Variants in DYNC2H1 observed in about 807,000 individuals in gnomAD.
DYNC2H1 encodes the protein cytoplasmic dynein 2 heavy chain 1.
A neutral mutation model predicts 570.0 loss-of-function variants in DYNC2H1; 410 were observed. That is an observed-to-expected ratio of 0.72 (90% CI 0.66 to 0.78). The LOEUF (loss-of-function observed/expected upper bound fraction) is 0.78, where lower values mean the gene tolerates loss of function less well. Among genes scored for constraint, DYNC2H1 ranks in the 30% least tolerant of loss-of-function variants. The probability of loss-of-function intolerance (pLI) is 0.00; values close to 1 mark genes in which losing one functional copy is unlikely to be tolerated. For synonymous variants in DYNC2H1, 1,688 were observed against 1,677.6 expected (o/e 1.01, Z -0.15); for missense variants, 4,865 against 5,046.4 (o/e 0.96, Z 1.09).
At chr11:103,178,198 A>C (rs1212293814) in intron 38 of DYNC2H1, among the ~76,000 whole-genome samples, 1 of 152,152 alleles carries the variant, frequency 6.6e-6, no homozygotes, top group Non-Finnish European at 1.5e-5. Flanking sequence ...CATTAGTTTG[A>C]ATAAAGTATT....
At chr11:103,215,666 G>GTT (rs1863349825) in intron 54 of DYNC2H1, 55 bp from the exon 55 acceptor site, 2 of 1,329,258 alleles carry the variant, frequency 1.5e-6, no homozygotes, top group Non-Finnish European at 9.6e-7. Flanking sequence ...TTTATTTACT[G>GTT]TGTGTGTAAA....
intron 77 of DYNC2H1, among the ~76,000 whole-genome samples, chr11:103,307,004 T>C (rs556881877): frequency 6.6e-6 from 1 of 152,156 alleles, no homozygotes; most frequent in Non-Finnish European, 1.5e-5. Flanking sequence ...GGGATTGTGA[T>C]AGTGAAGAGT....
chr11:103,184,854 A>G, intron 40 of DYNC2H1, 42 bp from the exon 41 acceptor site: 2 of 1,605,834 alleles, frequency 1.2e-6, no homozygotes, highest in African/African-American at 2.7e-5. Flanking sequence ...ACTGGTTAAT[A>G]GTTGCCTTTT....
At chr11:103,379,136 A>G (rs1464018396) in intron 83 of DYNC2H1, among the ~76,000 whole-genome samples, 1 of 152,150 alleles carries the variant, frequency 6.6e-6, no homozygotes, top group Non-Finnish European at 1.5e-5. Context: ...TGATGCAATC[A>G]AGACAATGTG....
intron 84 of DYNC2H1, among the ~76,000 whole-genome samples, chr11:103,414,997 G>A (rs1943228306): frequency 6.6e-6 from 1 of 152,092 alleles, no homozygotes; most frequent in Admixed American, 6.6e-5. Context: ...TTCCCATCAA[G>A]CTACCATTGA....
Position 103,215,917 on chromosome 11 carries a change from G to C in DYNC2H1, c.8832+59G>C. On this transcript the variant is annotated intron_variant, in intron 55 of 88. Coordinates refer to ENST00000375735, the MANE Select transcript of DYNC2H1 (RefSeq NM_001377.3). Reference sequence around the variant, plus strand: ...ATATGGAGAGCATTTATGCCTGATAGTCAGTGAAAAATAACATTTTCACTT... The same window carrying C: ...ATATGGAGAGCATTTATGCCTGATACTCAGTGAAAAATAACATTTTCACTT... 11 of 1,549,356 alleles carry C rather than the reference G, an allele frequency of 7.1e-6. No homozygotes were observed. In the South Asian group the frequency reaches 1.4e-4, roughly 19 times the overall value.
rs1863998154 is a variant in DYNC2H1 at position 103,231,286 on chromosome 11, A to G, written c.9380A>G (p.Lys3127Arg). 1 of 1,605,870 alleles carries G rather than the reference A, an allele frequency of 6.2e-7. No homozygotes were observed. The highest frequency in any genetic ancestry group is 1.3e-5 in the African/African-American group (1 of 74,566). The change falls in exon 60 of 89, where the codon AAA (lysine) becomes AGA (arginine). Residue 3127 changes from lysine (K) to arginine (R), a missense_variant. This residue lies in a region of DYNC2H1 where 2,401 missense variants were observed against 2,454.6 expected (regional missense o/e 0.98). Transcript: ENST00000375735. ...ESNLKKTEDR[K>R]RKLEELLNSV... is the part of the protein sequence containing the mutation. ...AATCTGAAGAAAACTGAAGACAGAA[A>G]AAGGAAACTAGAGGAGCTTCTTAAT...
intron 31 of DYNC2H1, among the ~76,000 whole-genome samples, chr11:103,168,247 C>T (rs2134956102): frequency 6.6e-6 from 1 of 152,262 alleles, no homozygotes; most frequent in South Asian, 2.1e-4. Context: ...AAAGCCTGAG[C>T]TAGAGGTGGT....
In DYNC2H1 at chr11:103,275,985, A is replaced by T. The variant is rs139671237; in HGVS notation, c.10696-4363A>T. On this transcript the variant is annotated intron_variant, in intron 70 of 88. Coordinates refer to ENST00000375735, the MANE Select transcript of DYNC2H1 (RefSeq NM_001377.3). This position sits in a 1 kb window ranked among gnomAD's most constrained non-coding sequence, Gnocchi z 4.8. ...GTACCCTTTTGCATTCCTGCCAGCA[A>T]TTAATGAGGGTTTCTGTTGCTCAAC... Among the ~76,000 whole-genome samples, 3 of 152,206 alleles carry T rather than the reference A, an allele frequency of 2.0e-5. No homozygotes were observed. Among genetic ancestry groups the T allele is most frequent in the Non-Finnish European group, 4.4e-5 (3 of 68,026 alleles).
chr11:103,414,039 G>A (rs1195825207), intron 84 of DYNC2H1, among the ~76,000 whole-genome samples: 1 of 140,256 alleles, frequency 7.1e-6, no homozygotes, highest in East Asian at 2.1e-4. Context: ...AGTAAACTGT[G>A]GTAAGTTAAA....
intron 15 of DYNC2H1, among the ~76,000 whole-genome samples, 171 bp downstream of exon 15, chr11:103,134,590 C>T (rs868722448): frequency 6.6e-6 from 1 of 151,944 alleles, no homozygotes; most frequent in Admixed American, 6.6e-5. Context: ...CACATATGAA[C>T]AATCAATTTA....
chr11:103,158,853 T>G (rs1464461811), intron 27 of DYNC2H1, 44 bp downstream of exon 27: 1 of 1,489,824 alleles, frequency 6.7e-7, no homozygotes, highest in Non-Finnish European at 9.0e-7. Flanking sequence ...TGTAAAGTAC[T>G]TGATATCTTA....
chr11:103,175,151 C>T (rs914643643), intron 36 of DYNC2H1, among the ~76,000 whole-genome samples: 2 of 152,052 alleles, frequency 1.3e-5, no homozygotes, highest in Non-Finnish European at 2.9e-5. Flanking sequence ...GGTATACGTT[C>T]ATGAAAGGCT....
At chr11:103,341,905 C>T (rs1181628445) in intron 82 of DYNC2H1, among the ~76,000 whole-genome samples, 2 of 152,138 alleles carry the variant, frequency 1.3e-5, no homozygotes, top group Non-Finnish European at 2.9e-5. Context: ...CCATTGTAGG[C>T]TATTTCCAGA....
intron 61 of DYNC2H1, among the ~76,000 whole-genome samples, chr11:103,234,693 T>C (rs1864154592): frequency 6.6e-6 from 1 of 151,926 alleles, no homozygotes; most frequent in Non-Finnish European, 1.5e-5. Flanking sequence ...GGGGGTTATC[T>C]CATCCCTTCA....
chr11:103,429,465 A>G (rs1943810743), intron 84 of DYNC2H1, among the ~76,000 whole-genome samples: 1 of 148,678 alleles, frequency 6.7e-6, no homozygotes. Flanking sequence ...ACTGATAAAA[A>G]AAAAAATTGA....
Position 103,170,282 on chromosome 11 carries a change from T to G in DYNC2H1, c.5143T>G (p.Cys1715Gly), listed in dbSNP as rs1861515705. 1 of 1,582,364 alleles carries G rather than the reference T, an allele frequency of 6.3e-7. No homozygotes were observed. Among genetic ancestry groups the G allele is most frequent in the Admixed American group, 1.9e-5 (1 of 53,738 alleles). ...TGGAAGACAAGTTTTAGTCTTTAAT[T>G]GTGATGAGGTAGAATAAATAATTAT... Reference protein sequence around the residue: ...LLGRQVLVFNCDEGIDVKSMG... With the variant: ...LLGRQVLVFNGDEGIDVKSMG... The change falls in exon 33 of 89, where the codon TGT becomes GGT. Residue 1715 changes from cysteine (C) to glycine (G), a missense_variant. Cys to Gly is a radical substitution (Grantham distance 159). Coordinates refer to ENST00000375735, the MANE Select transcript of DYNC2H1 (RefSeq NM_001377.3). This position sits in a 1 kb window ranked among gnomAD's most constrained non-coding sequence, Gnocchi z 4.8.
Position 103,324,567 on chromosome 11 carries a change from A to G in DYNC2H1, c.12039+577A>G, listed in dbSNP as rs1938371219. On this transcript the variant is annotated intron_variant, in intron 82 of 88. Transcript: ENST00000375735. This position sits in a 1 kb window ranked among gnomAD's most constrained non-coding sequence, Gnocchi z 5.2. ...GTCTTGTTCTTTTCTTATGTTGCAT[A>G]TTCCATGTTGTCTATGTATCACATT... 6.6e-6 allele frequency among the ~76,000 whole-genome samples: 1 copy of G among 152,160 alleles called. No homozygotes were observed. Among genetic ancestry groups the G allele is most frequent in the Admixed American group, 6.5e-5 (1 of 15,274 alleles).
At chr11:103,242,106 G>T in intron 63 of DYNC2H1, among the ~76,000 whole-genome samples, 1 of 151,716 alleles carries the variant, frequency 6.6e-6, no homozygotes, top group Non-Finnish European at 1.5e-5. Context: ...TGAAAGTTCA[G>T]GTAGTACTGA....
Sources: gnomAD v4.1 joint callset for allele counts (sites outside exome capture counted in the v4.1 genomes callset) on GRCh38, gnomAD v4.1.1 for gene constraint, gnomAD v4.1.1 regional missense constraint, Gnocchi (gnomAD v3.1) non-coding constraint, MANE v1.5 for transcripts, NCBI Gene and HGNC (gene_info 2026-07-23, HGNC 2026-07-21) for gene names.